Variants in PLCH2 observed in about 807,000 individuals in gnomAD.
PLCH2 encodes the protein phospholipase C eta 2.
Under a neutral mutation model 134.7 loss-of-function variants are expected in PLCH2, and 98 were observed. The ratio of observed to expected loss-of-function variants is 0.73; its 90% CI spans 0.62 to 0.86. The LOEUF is 0.86. Ranked by LOEUF, PLCH2 falls within the 40% of genes least tolerant of loss-of-function variation. The probability of loss-of-function intolerance (pLI) is 0.00; values close to 1 mark genes in which losing one functional copy is unlikely to be tolerated. For synonymous variants in PLCH2, 974 were observed against 827.5 expected (o/e 1.18, Z -3.04); for missense variants, 1,994 against 1,986.6 (o/e 1.00, Z -0.07).
chr1:2,496,960 A>T lies in PLCH2; in HGVS notation c.2066A>T (p.Asp689Val), dbSNP rs1392574770. The T allele has an allele frequency of 6.2e-7, 1 of 1,613,240 alleles. No individual in the cohort carries two copies. Among genetic ancestry groups the T allele is most frequent in the Admixed American group, 1.7e-5 (1 of 60,026 alleles). The change falls in exon 15 of 22, where the codon GAC (aspartate) becomes GTC (valine). Residue 689 changes from aspartate to valine, a missense_variant. Asp to Val is a radical substitution (Grantham distance 152, BLOSUM62 -3). Around this residue, in one of 2 missense-constraint regions of PLCH2, gnomAD observed 1,094 missense variants for 1,234.3 expected, o/e 0.89. Transcript: ENST00000378486. Reference sequence around the variant, plus strand: ...ATCTACCCCTCCTCCTACCGTGTGGACTCCAGCAACTACAACCCGCAGCCC... The same window carrying T: ...ATCTACCCCTCCTCCTACCGTGTGGTCTCCAGCAACTACAACCCGCAGCCC... ...SRIYPSSYRV[D>V]SSNYNPQPFW...
chr1:2,457,978 C>G (rs563132826), intron 2 of PLCH2, among the ~76,000 whole-genome samples: 1 of 151,648 alleles, frequency 6.6e-6, no homozygotes, highest in African/African-American at 2.4e-5. Context: ...GAGCAACGTG[C>G]GGGCCTCAGG....
upstream of PLCH2, among the ~76,000 whole-genome samples, chr1:2,472,858 ATGCCCCTGTCGTGGG>A (rs1641397429): frequency 6.6e-6 from 1 of 152,026 alleles, no homozygotes; most frequent in African/African-American, 2.4e-5. Flanking sequence ...TGCAGTCCCC[ATGCCCCTGTCGTGGG>A]AGGGGCTGCG....
the PLCH2 span, among the ~76,000 whole-genome samples, chr1:2,419,884 C>T: frequency 6.6e-6 from 1 of 152,058 alleles, no homozygotes; most frequent in African/African-American, 2.4e-5. Context: ...CAGCCAGGCC[C>T]TTTCTGCCTC....
chr1:2,465,487 C>T (rs534791763), upstream of PLCH2, among the ~76,000 whole-genome samples: 100 of 152,192 alleles, frequency 6.6e-4, no homozygotes, highest in Non-Finnish European at 1.0e-3. Context: ...GTGCTTGTTC[C>T]TTCCAGTCGC....
chr1:2,484,702 G>C, intron 5 of PLCH2, 84 bp downstream of exon 5: 2 of 1,450,632 alleles, frequency 1.4e-6, no homozygotes, highest in Non-Finnish European at 1.9e-6. Flanking sequence ...TCAGGGGACA[G>C]TGGTGATGGG....
intron 5 of PLCH2, 91 bp downstream of exon 5, chr1:2,484,709 TG>T: frequency 7.1e-7 from 1 of 1,401,836 alleles, no homozygotes; most frequent in Non-Finnish European, 9.7e-7. Flanking sequence ...ACAGTGGTGA[TG>T]GGGGAGCTGT....
At chr1:2,417,411 C>T in the PLCH2 span, among the ~76,000 whole-genome samples, 8 of 131,396 alleles carry the variant, frequency 6.1e-5, no homozygotes, top group Admixed American at 6.6e-4. Context: ...AGGGTGGGCC[C>T]TGCCCAGCTT....
chr1:2,461,653 C>T (rs569296737), intron 2 of PLCH2, among the ~76,000 whole-genome samples: 296 of 152,296 alleles, frequency 1.9e-3, no homozygotes, highest in African/African-American at 6.9e-3. Context: ...GACACCCCAT[C>T]CCCATGCCTC....
chr1:2,483,469 G>A (rs1484493689), intron 4 of PLCH2, among the ~76,000 whole-genome samples: 36 of 152,198 alleles, frequency 2.4e-4, no homozygotes, highest in Admixed American at 2.2e-3. Context: ...GAAGAGCAGG[G>A]CTAGGCACTG....
At chr1:2,425,754 G>T (rs1028226730), upstream of PLCH2, among the ~76,000 whole-genome samples, 1 of 150,792 alleles carries the variant, frequency 6.6e-6, no homozygotes, top group African/African-American at 2.4e-5. Context: ...AAACTCCTCA[G>T]TTGAGCAATC....
At chr1:2,495,647 C>G in intron 13 of PLCH2, 77 bp downstream of exon 13, 1 of 985,776 alleles carries the variant, frequency 1.0e-6, no homozygotes, top group Non-Finnish European at 1.5e-6. Context: ...CTGCGGTGAC[C>G]CCACCAGGAC....
In PLCH2 at chr1:2,499,700, G is replaced by A. The variant is rs745325541; in HGVS notation, c.2641G>A (p.Val881Ile). 2.5e-6 allele frequency: 4 copies of A among 1,593,402 alleles called. No homozygotes were observed. The highest frequency in any genetic ancestry group is 1.7e-4 in the Middle Eastern group (1 of 6,050). The change falls in exon 20 of 22, where the codon GTC (valine) becomes ATC (isoleucine). Residue 881 changes from valine to isoleucine, a missense_variant. By Grantham distance (29) the Val-to-Ile change is conservative. This residue lies in a region of PLCH2 where 1,094 missense variants were observed against 1,234.3 expected (regional missense o/e 0.89). Transcript: ENST00000378486. ...EEASIFVHVA[V>I]SDISGKVKQA... ...GGCCTCCATCTTCGTGCATGTGGCT[G>A]TCAGTGACATCAGCGGTAAGGTGAG... is the stretch of plus-strand genomic sequence containing the variant.
chr1:2,428,175 A>AG (rs1187580334), intron 1 of PLCH2, among the ~76,000 whole-genome samples: 1 of 152,214 alleles, frequency 6.6e-6, no homozygotes, highest in African/African-American at 2.4e-5. Flanking sequence ...GAGTTGCCCA[A>AG]GGCAGCAGGT....
Position 2,489,839 on chromosome 1 carries a change from A to C in PLCH2, c.1487A>C (p.Asp496Ala). 1.2e-6 allele frequency: 2 copies of C among 1,613,158 alleles called. No homozygotes were observed. The highest frequency in any genetic ancestry group is 1.7e-6 in the Non-Finnish European group (2 of 1,179,274). The change falls in exon 10 of 22, where the codon GAC (aspartate) becomes GCC (alanine). Residue 496 changes from aspartate (D) to alanine (A), a missense_variant. Asp to Ala is a moderately radical substitution (Grantham distance 126, BLOSUM62 -2). Coordinates refer to ENST00000378486, the MANE Select transcript of PLCH2 (RefSeq NM_014638.4). The stretch of plus-strand genomic sequence containing the variant: ...GATGAGGACAGTGCTGATGAGATTG[A>C]CGATGACTGCAAGCTCCTCAATGGG... Reference protein sequence around the residue: ...VSDEDSADEIDDDCKLLNGDA... With the variant: ...VSDEDSADEIADDCKLLNGDA...
the PLCH2 span, among the ~76,000 whole-genome samples, chr1:2,419,895 G>A: frequency 5.3e-4 from 81 of 152,028 alleles, no homozygotes; most frequent in African/African-American, 1.9e-3. Flanking sequence ...TTTCTGCCTC[G>A]GAACTGCTGC....
rs370577115 is a variant in PLCH2, at chr1:2,499,647, G to A, written c.2588G>A (p.Arg863Lys). Residue 863 changes from arginine to lysine, a missense_variant, in exon 20 of 22, where the codon AGA becomes AAA. Transcript: ENST00000378486. ...LAFSSMMPGY[R>K]HVYLEGMEEA... is the part of the protein sequence containing the mutation. Reference sequence around the variant, plus strand: ...CTGACCCACACTGCTCCAGGCTACAGACACGTGTACCTAGAAGGGATGGAA... The same window carrying A: ...CTGACCCACACTGCTCCAGGCTACAAACACGTGTACCTAGAAGGGATGGAA... The A allele has an allele frequency of 3.7e-6, 6 of 1,600,498 alleles. No homozygotes were observed. Among genetic ancestry groups the A allele is most frequent in the Non-Finnish European group, 5.1e-6 (6 of 1,174,006 alleles).
intron 2 of PLCH2, among the ~76,000 whole-genome samples, chr1:2,433,106 A>T (rs2100491563): frequency 6.6e-6 from 1 of 152,150 alleles, no homozygotes; most frequent in South Asian, 2.1e-4. Context: ...CAGAGGTGGG[A>T]GCCTTCTTCA....
rs939999852 is a variant in PLCH2 at position 2,476,724 on chromosome 1, C to T, written c.124+12C>T. On this transcript the variant is annotated intron_variant, in intron 1 of 21. Transcript: ENST00000378486. ...GCTCGGCCCCCTGGGTAAGAAGGGG[C>T]AGGCGAGTGGCCTGGGCTGAGTGCT... 1.3e-6 allele frequency: 2 copies of T among 1,599,104 alleles called. No individual in the cohort carries two copies. Among genetic ancestry groups the T allele is most frequent in the South Asian group, 1.1e-5 (1 of 89,204 alleles).
At chr1:2,493,631 C>A (rs1642713427) in intron 11 of PLCH2, 1 of 152,414 alleles carries the variant, frequency 6.6e-6, no homozygotes, top group Non-Finnish European at 1.5e-5. Context: ...AGGGGCAGGG[C>A]ACACCTCTGG....
Sources: gnomAD v4.1 joint callset for allele counts (sites outside exome capture counted in the v4.1 genomes callset) on GRCh38, gnomAD v4.1.1 for gene constraint, gnomAD v4.1.1 regional missense constraint, MANE v1.5 for transcripts, NCBI Gene and HGNC (gene_info 2026-07-23, HGNC 2026-07-21) for gene names.